The following CTTNBP2NL variants were observed in gnomAD, a reference collection of about 807,000 sequenced individuals.
CTTNBP2NL encodes the protein CTTNBP2 N-terminal-like protein.
CTTNBP2NL carries 16 observed loss-of-function variants against 32.5 expected under a neutral mutation model. That is an observed-to-expected ratio of 0.49 (90% confidence interval 0.33 to 0.75). The LOEUF is 0.75. Ranked by LOEUF, CTTNBP2NL falls within the 30% of genes least tolerant of loss-of-function variation. The pLI, the probability that CTTNBP2NL is intolerant of heterozygous loss-of-function variation, is 0.02. For synonymous variants in CTTNBP2NL, 298 were observed against 289.4 expected (o/e 1.03, Z -0.30); for missense variants, 645 against 756.0 (o/e 0.85, Z 1.72).
Position 112,416,231 on chromosome 1 carries a change from T to C in CTTNBP2NL, c.66T>C (p.Leu22=), listed in dbSNP as rs1198021413. 1.2e-6 allele frequency: 2 copies of C among 1,604,118 alleles called. No homozygotes were observed. Among genetic ancestry groups the C allele is most frequent in the African/African-American group, 2.7e-5 (2 of 74,460 alleles). Residue 22 remains leucine, a synonymous_variant, in exon 3 of 6, where the codon CTT becomes CTC. Coordinates refer to ENST00000271277, the MANE Select transcript of CTTNBP2NL (RefSeq NM_018704.3). ...LTLFSILEGE[L]EARDLVIEAL... The stretch of plus-strand genomic sequence containing the variant: ...TATTTAGTATTCTTGAAGGAGAGCT[T>C]GAAGCAAGGGACCTTGTTATAGAAG...
At chr1:112,449,531 A>G (rs1188741916) in intron 4 of CTTNBP2NL, among the ~76,000 whole-genome samples, 1 of 151,880 alleles carries the variant, frequency 6.6e-6, no homozygotes, top group African/African-American at 2.4e-5. Context: ...AAATAAAAAG[A>G]TTAACAGGTA....
In CTTNBP2NL at chr1:112,399,791, G is replaced by T. The variant is rs527582358; in HGVS notation, c.-134+3519G>T. Among the ~76,000 whole-genome samples, 11 of 152,214 alleles carry T rather than the reference G, an allele frequency of 7.2e-5. No individual in the cohort carries two copies. The South Asian group carries it at 2.3e-3, about 32-fold the overall frequency. ...TTTTAAAATTTCTGAATATTTGGCC[G>T]AGCATGGTGGCTCACACCTGTAATC... On this transcript the variant is annotated intron_variant, in intron 1 of 5. Transcript: ENST00000271277.
chr1:112,449,740 GTGTGTGTGTGTGT>G (rs917407107), intron 4 of CTTNBP2NL, among the ~76,000 whole-genome samples: 95 of 4,536 alleles, frequency 0.021, 1 homozygote, highest in Admixed American at 0.16. Flanking sequence ...GTGTGTGTGT[GTGTGTGTGTGTGT>G]TTTCCATATT....
At chr1:112,391,666 C>T (rs955053483), upstream of CTTNBP2NL, among the ~76,000 whole-genome samples, 17 of 152,172 alleles carry the variant, frequency 1.1e-4, no homozygotes, top group African/African-American at 3.6e-4. Flanking sequence ...CATTGCCACC[C>T]ACTATTCCCG....
chr1:112,411,548 G>A (rs1046530924), intron 1 of CTTNBP2NL, among the ~76,000 whole-genome samples: 30 of 152,200 alleles, frequency 2.0e-4, no homozygotes, highest in Non-Finnish European at 1.6e-4. Context: ...AGACTGTGGG[G>A]ATGTGTAATC....
intron 3 of CTTNBP2NL, among the ~76,000 whole-genome samples, chr1:112,445,031 CTT>C (rs1317718997): frequency 6.6e-6 from 1 of 152,212 alleles, no homozygotes; most frequent in Non-Finnish European, 1.5e-5. Flanking sequence ...GTCTCTGTCT[CTT>C]TTATGGGGCT....
intron 3 of CTTNBP2NL, among the ~76,000 whole-genome samples, chr1:112,434,421 C>G (rs1188949161): frequency 6.6e-6 from 1 of 152,158 alleles, no homozygotes; most frequent in Non-Finnish European, 1.5e-5. Context: ...TGTGTCTAAT[C>G]AGGTGCTAAA....
chr1:112,403,553 G>A (rs761713199), intron 1 of CTTNBP2NL, among the ~76,000 whole-genome samples: 9 of 152,174 alleles, frequency 5.9e-5, no homozygotes, highest in Non-Finnish European at 1.2e-4. Flanking sequence ...CTTGAATTAC[G>A]AATGTAGATA....
chr1:112,444,843 C>A lies in CTTNBP2NL; in HGVS notation c.100-4099C>A, dbSNP rs1649989499. 3.9e-5 allele frequency among the ~76,000 whole-genome samples: 6 copies of A among 152,202 alleles called. No individual in the cohort carries two copies. In the South Asian group the frequency reaches 1.2e-3, roughly 32 times the overall value. On this transcript the variant is annotated intron_variant, in intron 3 of 5. Coordinates refer to ENST00000271277, the MANE Select transcript of CTTNBP2NL (RefSeq NM_018704.3). ...TAGTGGTAGCACATCTAGTCATTGA[C>A]CTTGTAGCCAGCCTCCAAGATGGCT... is the stretch of plus-strand genomic sequence containing the variant.
At chr1:112,409,027 C>G (rs749228265) in intron 1 of CTTNBP2NL, among the ~76,000 whole-genome samples, 2 of 150,258 alleles carry the variant, frequency 1.3e-5, no homozygotes, top group Non-Finnish European at 2.9e-5. Flanking sequence ...ACTTAGGAGG[C>G]TGAGGCAGGA....
chr1:112,451,767 C>CA (rs1308116077), intron 4 of CTTNBP2NL, among the ~76,000 whole-genome samples: 3,390 of 55,970 alleles, frequency 0.061, 134 homozygotes, highest in African/African-American at 0.15. Flanking sequence ...AAGACTGTCT[C>CA]AAAAAAAAAA....
intron 5 of CTTNBP2NL, among the ~76,000 whole-genome samples, chr1:112,455,199 A>G (rs1650327216): frequency 1.3e-5 from 2 of 152,178 alleles, no homozygotes; most frequent in Admixed American, 1.3e-4. Context: ...AAAACAGGCT[A>G]TATTTGTGTA....
At chr1:112,395,179 C>T (rs150401537), upstream of CTTNBP2NL, among the ~76,000 whole-genome samples, 137 of 152,288 alleles carry the variant, frequency 9.0e-4, no homozygotes, top group Non-Finnish European at 1.4e-3. Flanking sequence ...AAGTGTACTA[C>T]ATTATTTATG....
At chr1:112,392,601 C>T (rs1041280832), upstream of CTTNBP2NL, among the ~76,000 whole-genome samples, 2 of 152,056 alleles carry the variant, frequency 1.3e-5, no homozygotes, top group African/African-American at 4.8e-5. Context: ...GTCATGAGTT[C>T]AGATGAGGTC....
At chr1:112,447,218 G>A (rs569965782) in intron 3 of CTTNBP2NL, among the ~76,000 whole-genome samples, 1 of 146,852 alleles carries the variant, frequency 6.8e-6, no homozygotes, top group African/African-American at 2.5e-5. Context: ...AGCTTGCAGT[G>A]AGCCAAGATT....
chr1:112,450,993 T>C (rs1650199291), intron 4 of CTTNBP2NL, among the ~76,000 whole-genome samples: 1 of 151,724 alleles, frequency 6.6e-6, no homozygotes, highest in Non-Finnish European at 1.5e-5. Flanking sequence ...ATTAACCATA[T>C]TCCCTTTGAC....
chr1:112,433,688 A>AT (rs1404468011), intron 3 of CTTNBP2NL, among the ~76,000 whole-genome samples: 2 of 152,112 alleles, frequency 1.3e-5, no homozygotes, highest in Non-Finnish European at 2.9e-5. Flanking sequence ...TTCTTAATAC[A>AT]TTTTTTATTT....
chr1:112,435,691 C>T (rs1047295647), intron 3 of CTTNBP2NL, among the ~76,000 whole-genome samples: 6 of 152,006 alleles, frequency 3.9e-5, no homozygotes, highest in African/African-American at 1.4e-4. Flanking sequence ...TGAAGGATAC[C>T]ACATAATTGG....
In CTTNBP2NL at chr1:112,457,157, G is replaced by A. The variant is rs755688122; in HGVS notation, c.1665G>A (p.Val555=). 3.1e-6 allele frequency: 5 copies of A among 1,614,042 alleles called. No homozygotes were observed. The African/African-American group carries it at 4.0e-5, about 13-fold the overall frequency. The change falls in exon 6 of 6, where the codon GTG becomes GTA. Residue 555 remains valine, a synonymous_variant. Transcript: ENST00000271277. ...DTSHSPTPGK[V]SSPLSPLSPG... ...GCCATTCACCTACTCCAGGGAAAGTGTCCAGTCCCCTGAGCCCCCTGTCTC... is the reference window on the plus strand; with the variant it reads ...GCCATTCACCTACTCCAGGGAAAGTATCCAGTCCCCTGAGCCCCCTGTCTC...
Sources: gnomAD v4.1 joint callset for allele counts (sites outside exome capture counted in the v4.1 genomes callset) on GRCh38, gnomAD v4.1.1 for gene constraint, MANE v1.5 for transcripts, NCBI Gene and HGNC (gene_info 2026-07-23, HGNC 2026-07-21) for gene names.